The following SNX7 variants were observed in gnomAD, a reference collection of about 807,000 sequenced individuals.
SNX7 encodes sorting nexin 7.
SNX7 carries 35 observed loss-of-function variants against 48.4 expected under a neutral mutation model. That is an observed-to-expected ratio of 0.72 (90% CI 0.55 to 0.96). The LOEUF (loss-of-function observed/expected upper bound fraction) is 0.96, where lower values mean the gene tolerates loss of function less well. Ranked by LOEUF, SNX7 falls within the 40% of genes least tolerant of loss-of-function variation. The pLI is 0.00. For synonymous variants in SNX7, 190 were observed against 190.2 expected (o/e 1.00, Z 0.01); for missense variants, 553 against 548.9 (o/e 1.01, Z -0.07).
At chr1:98,680,687 C>CA (rs1189761292) in intron 1 of SNX7, among the ~76,000 whole-genome samples, 1 of 152,156 alleles carries the variant, frequency 6.6e-6, no homozygotes, top group Non-Finnish European at 1.5e-5. Flanking sequence ...AGGGCAGGGG[C>CA]AAAATGCCAC....
At chr1:98,748,277 C>T (rs1410234574) in intron 8 of SNX7, among the ~76,000 whole-genome samples, 1 of 152,070 alleles carries the variant, frequency 6.6e-6, no homozygotes, top group African/African-American at 2.4e-5. Flanking sequence ...TGAGCCACTG[C>T]ACCCAGCTGG....
intron 7 of SNX7, among the ~76,000 whole-genome samples, chr1:98,725,859 G>T (rs1653138576): frequency 6.6e-6 from 1 of 152,150 alleles, no homozygotes; most frequent in African/African-American, 2.4e-5. Flanking sequence ...TTGGAGAAGG[G>T]TCTTACTATA....
At chr1:98,665,306 C>T (rs953284022) in intron 1 of SNX7, among the ~76,000 whole-genome samples, 20 of 151,906 alleles carry the variant, frequency 1.3e-4, no homozygotes, top group African/African-American at 4.4e-4. Context: ...TTCCCTGAAA[C>T]TAGAGATAGG....
intron 1 of SNX7, chr1:98,662,877 A>C (rs1649325326): frequency 7.8e-7 from 1 of 1,281,258 alleles, no homozygotes; most frequent in Non-Finnish European, 1.0e-6. Context: ...CAAAGTTAGG[A>C]AGTGACCATG....
chr1:98,675,093 A>T (rs1570493048), intron 1 of SNX7, among the ~76,000 whole-genome samples: 1 of 152,334 alleles, frequency 6.6e-6, no homozygotes, highest in East Asian at 1.9e-4. Context: ...ACACACATCC[A>T]TTATTGTGGA....
At chr1:98,721,974 CT>C (rs1652898105) in intron 7 of SNX7, among the ~76,000 whole-genome samples, 1 of 151,928 alleles carries the variant, frequency 6.6e-6, no homozygotes, top group Non-Finnish European at 1.5e-5. Flanking sequence ...TATTTAGTGG[CT>C]TTTGTTGTAT....
At chr1:98,686,726 G>A (rs1035724868) in intron 2 of SNX7, among the ~76,000 whole-genome samples, 1 of 152,012 alleles carries the variant, frequency 6.6e-6, no homozygotes, top group Non-Finnish European at 1.5e-5. Context: ...TAGTTTTCTT[G>A]TTTGTAAATA....
chr1:98,695,803 G>A, intron 5 of SNX7, 87 bp downstream of exon 5: 1 of 938,046 alleles, frequency 1.1e-6, no homozygotes, highest in South Asian at 1.5e-5. Context: ...GCAACATTCA[G>A]TTAGAATGTC....
intron 2 of SNX7, among the ~76,000 whole-genome samples, chr1:98,688,307 A>C (rs1312051275): frequency 6.6e-6 from 1 of 152,198 alleles, no homozygotes. Flanking sequence ...CATTTGTGGC[A>C]TCTGTTCTTT....
chr1:98,679,021 TTAA>T (rs1405286580), intron 1 of SNX7, among the ~76,000 whole-genome samples: 2 of 152,188 alleles, frequency 1.3e-5, no homozygotes, highest in African/African-American at 4.8e-5. Flanking sequence ...GCAGGATGTA[TTAA>T]TCTGTTTTCA....
At chr1:98,721,011 C>T (rs1652840074) in intron 7 of SNX7, among the ~76,000 whole-genome samples, 1 of 152,080 alleles carries the variant, frequency 6.6e-6, no homozygotes, top group Admixed American at 6.6e-5. Flanking sequence ...CTCTTGATCA[C>T]ATACTCCATC....
At chr1:98,674,006 C>T (rs1650021123) in intron 1 of SNX7, among the ~76,000 whole-genome samples, 1 of 152,100 alleles carries the variant, frequency 6.6e-6, no homozygotes, top group South Asian at 2.1e-4. Flanking sequence ...TGGTTTCTAT[C>T]TTTGAGGAAG....
chr1:98,699,640 G>A (rs900358133), intron 6 of SNX7, among the ~76,000 whole-genome samples: 11 of 151,928 alleles, frequency 7.2e-5, no homozygotes, highest in African/African-American at 1.9e-4. Context: ...CTTTATAATT[G>A]GAACCATGGT....
intron 7 of SNX7, among the ~76,000 whole-genome samples, chr1:98,733,302 G>A (rs888174811): frequency 6.6e-6 from 1 of 151,968 alleles, no homozygotes; most frequent in Non-Finnish European, 1.5e-5. Context: ...TCTAGATCAG[G>A]GCTAGACCCT....
intron 1 of SNX7, among the ~76,000 whole-genome samples, chr1:98,678,183 A>G (rs2100926558): frequency 6.6e-6 from 1 of 152,318 alleles, no homozygotes; most frequent in Non-Finnish European, 1.5e-5. Flanking sequence ...TTGTAGCGAA[A>G]GGTGAAGGAC....
intron 8 of SNX7, among the ~76,000 whole-genome samples, chr1:98,739,150 C>T (rs1447891203): frequency 1.3e-5 from 2 of 152,156 alleles, no homozygotes; most frequent in South Asian, 2.1e-4. Context: ...ATAAGGAGCA[C>T]GCAACTTAGA....
intron 4 of SNX7, among the ~76,000 whole-genome samples, chr1:98,693,166 G>A (rs1362733594): frequency 8.7e-6 from 1 of 115,584 alleles, no homozygotes; most frequent in Non-Finnish European, 1.8e-5. Context: ...GTAGATGGAT[G>A]AATGGAGATG....
At chr1:98,680,570 G>A (rs1378572005) in intron 1 of SNX7, among the ~76,000 whole-genome samples, 2 of 152,148 alleles carry the variant, frequency 1.3e-5, no homozygotes, top group Non-Finnish European at 2.9e-5. Flanking sequence ...AAAACTAAAC[G>A]CCTTAAACAG....
chr1:98,738,204 G>A (rs1360682610), intron 7 of SNX7, 33 bp from the exon 8 acceptor site: 27 of 1,598,586 alleles, frequency 1.7e-5, no homozygotes, highest in Non-Finnish European at 1.8e-5. Context: ...AGAATTCATA[G>A]ATCAATGTAT....
Sources: gnomAD v4.1 joint callset for allele counts (sites outside exome capture counted in the v4.1 genomes callset) on GRCh38, gnomAD v4.1.1 for gene constraint, MANE v1.5 for transcripts, NCBI Gene and HGNC (gene_info 2026-07-23, HGNC 2026-07-21) for gene names.